Variants in RTL10 observed in about 807,000 individuals in gnomAD.
RTL10 encodes retrotransposon Gag like 10, also known as protein Bop.
For missense variants in RTL10, 477 were observed against 470.7 expected (o/e 1.01, Z -0.12); for synonymous variants, 199 against 188.4 (o/e 1.06, Z -0.46).
rs73379999 is a variant in RTL10, at chr22:19,848,026, G to A, written c.*3141C>T. ...CTAAATTTCCATATTTATTTGGCCC[G>A]TTTCAAAGTCCTCTATTCTCTGCTC... is the stretch of plus-strand genomic sequence containing the variant. On this transcript the variant is annotated 3_prime_UTR_variant, in exon 3 of 3. Transcript: ENST00000328554. The A allele has an allele frequency of 3.5e-3, 3,455 of 985,148 alleles. 90 individuals are homozygous for A. In the African/African-American group the frequency reaches 0.056, roughly 16 times the overall value. 61.0% of individuals were successfully genotyped at this position (985,148 alleles called of 1,614,324 possible). A position where few individuals can be genotyped will look rare whatever the true frequency, so the allele number is the denominator to read the frequency against.
At position 19,851,527 on chromosome 22, in the gene RTL10, C is replaced by T. The variant is rs781133599; in HGVS notation, c.735G>A (p.Gly245=). 3 of 1,614,048 alleles carry T rather than the reference C, an allele frequency of 1.9e-6. No individual in the cohort carries two copies. Among genetic ancestry groups the T allele is most frequent in the Non-Finnish European group, 2.5e-6 (3 of 1,179,978 alleles). ...GAGCACTTCTAGATACAGAGTTGGA[C>T]CCAGACACAGCAGGGGTGGCCATGG... ...PAAMATPAVS[G]SNSVSRSALF... Residue 245 remains glycine (G), a synonymous_variant, in exon 3 of 3, where the codon GGG becomes GGA. Transcript: ENST00000328554.
chr22:19,848,830 T>A lies in RTL10; in HGVS notation c.*2337A>T. ...AAGGCAGCAATCCCAGGCTGGAGTA[T>A]CCACTTCAGGTCCACTAAAGGGAGA... On this transcript the variant is annotated 3_prime_UTR_variant, in exon 3 of 3. Coordinates refer to ENST00000328554, the MANE Select transcript of RTL10 (RefSeq NM_024627.6). The A allele has an allele frequency of 2.0e-6, 2 of 985,080 alleles. No individual in the cohort carries two copies. Among genetic ancestry groups the A allele is most frequent in the Non-Finnish European group, 2.4e-6 (2 of 829,692 alleles). 61.0% of individuals were successfully genotyped at this position (985,080 alleles called of 1,614,324 possible).
Position 19,846,437 on chromosome 22 carries a change from A to C in RTL10, c.*4730T>G. ...CAACAGCCAAGGCTTGGCCATCCCC[A>C]CTCCTCAGTATGGGCCCCAGAACCC... On this transcript the variant is annotated 3_prime_UTR_variant, in exon 3 of 3. Coordinates refer to ENST00000328554, the MANE Select transcript of RTL10 (RefSeq NM_024627.6). 1.0e-6 allele frequency: 1 copy of C among 984,994 alleles called. No homozygotes were observed. Among genetic ancestry groups the C allele is most frequent in the South Asian group, 4.7e-5 (1 of 21,254 alleles). The allele number at this position is 984,994 out of a possible 1,614,324, so 61.0% of individuals were successfully genotyped here. A position where few individuals can be genotyped will look rare whatever the true frequency, so the allele number is the denominator to read the frequency against.
At position 19,846,519 on chromosome 22, in the gene RTL10, T is replaced by C. The variant is rs1431417802; in HGVS notation, c.*4648A>G. Reference sequence around the variant, plus strand: ...GGAGACCACAGAAGCCTGCCCAATATAGCGCTGCCAGGAACAGCAAAGACA... The same window carrying C: ...GGAGACCACAGAAGCCTGCCCAATACAGCGCTGCCAGGAACAGCAAAGACA... On this transcript the variant is annotated 3_prime_UTR_variant, in exon 3 of 3. Coordinates refer to ENST00000328554, the MANE Select transcript of RTL10 (RefSeq NM_024627.6). 6 of 985,308 alleles carry C rather than the reference T, an allele frequency of 6.1e-6. No individual in the cohort carries two copies. Among genetic ancestry groups the C allele is most frequent in the South Asian group, 4.7e-5 (1 of 21,292 alleles). The allele number at this position is 985,308 out of a possible 1,614,324, so 61.0% of individuals were successfully genotyped here.
rs1488671449 is a variant in RTL10 at position 19,849,269 on chromosome 22, TCA to T, written c.*1896_*1897del. 1.0e-6 allele frequency: 1 copy of T among 983,854 alleles called. No individual in the cohort carries two copies. Among genetic ancestry groups the T allele is most frequent in the African/African-American group, 1.7e-5 (1 of 57,180 alleles). The allele number at this position is 983,854 out of a possible 1,614,324, so 60.9% of individuals were successfully genotyped here. ...CAAGGTATCTGTGCCCTGAAATAAC[TCA>T]CACATAAAACCATCTGAACCCAGAG... On this transcript the variant is annotated 3_prime_UTR_variant, in exon 3 of 3. Coordinates refer to ENST00000328554, the MANE Select transcript of RTL10 (RefSeq NM_024627.6).
chr22:19,849,037 G>A lies in RTL10; in HGVS notation c.*2130C>T. 1.0e-6 allele frequency: 1 copy of A among 985,466 alleles called. No homozygotes were observed. 61.0% of individuals were successfully genotyped at this position (985,466 alleles called of 1,614,324 possible). A position where few individuals can be genotyped will look rare whatever the true frequency, so the allele number is the denominator to read the frequency against. On this transcript the variant is annotated 3_prime_UTR_variant, in exon 3 of 3. Transcript: ENST00000328554. ...ACCCAACCCACAAAAGGGGGGATGG[G>A]GCCTGAGTCATCGGACGGAGGGCAG... is the stretch of plus-strand genomic sequence containing the variant.
Position 19,851,307 on chromosome 22 carries a change from G to A in RTL10, c.955C>T (p.Pro319Ser). Residue 319 changes from proline to serine, a missense_variant, in exon 3 of 3, where the codon CCA becomes TCA. Coordinates refer to ENST00000328554, the MANE Select transcript of RTL10 (RefSeq NM_024627.6). ...PPAQRPDPAH[P>S]GGPKPQKTEE... ...GTTTTCTGGGGTTTTGGACCTCCTG[G>A]ATGAGCTGGGTCTGGTCTCTGGGCA... is the stretch of plus-strand genomic sequence containing the variant. 1 of 1,614,026 alleles carries A rather than the reference G, an allele frequency of 6.2e-7. No homozygotes were observed. Among genetic ancestry groups the A allele is most frequent in the Non-Finnish European group, 8.5e-7 (1 of 1,179,952 alleles).
chr22:19,847,893 T>C lies in RTL10; in HGVS notation c.*3274A>G, dbSNP rs924997489. On this transcript the variant is annotated 3_prime_UTR_variant, in exon 3 of 3. Coordinates refer to ENST00000328554, the MANE Select transcript of RTL10 (RefSeq NM_024627.6). ...GAAATCTTTAATCTGGAATATGTACTGGCATAAAGAGTGAGGCACATACAT... is the reference window on the plus strand; with the variant it reads ...GAAATCTTTAATCTGGAATATGTACCGGCATAAAGAGTGAGGCACATACAT... 4.1e-6 allele frequency: 4 copies of C among 979,946 alleles called. No homozygotes were observed. Among genetic ancestry groups the C allele is most frequent in the African/African-American group, 3.5e-5 (2 of 56,936 alleles). The allele number at this position is 979,946 out of a possible 1,614,324, so 60.7% of individuals were successfully genotyped here. A position where few individuals can be genotyped will look rare whatever the true frequency, so the allele number is the denominator to read the frequency against.
chr22:19,846,874 C>A lies in RTL10; in HGVS notation c.*4293G>T, dbSNP rs1937974131. On this transcript the variant is annotated 3_prime_UTR_variant, in exon 3 of 3. Coordinates refer to ENST00000328554, the MANE Select transcript of RTL10 (RefSeq NM_024627.6). ...ATGAGGAAATGTCTGTTGTTTAAGTCCCCTAGCCTGCGGTCCTTTGTCAGG... is the reference window on the plus strand; with the variant it reads ...ATGAGGAAATGTCTGTTGTTTAAGTACCCTAGCCTGCGGTCCTTTGTCAGG... The A allele has an allele frequency of 1.1e-6, 1 of 945,356 alleles. No individual in the cohort carries two copies. The highest frequency in any genetic ancestry group is 1.3e-6 in the Non-Finnish European group (1 of 793,294). 58.6% of individuals were successfully genotyped at this position (945,356 alleles called of 1,614,324 possible). A position where few individuals can be genotyped will look rare whatever the true frequency, so the allele number is the denominator to read the frequency against.
Position 19,851,942 on chromosome 22 carries a change from A to G in RTL10, c.320T>C (p.Phe107Ser), listed in dbSNP as rs962297037. The part of the protein sequence containing the change: ...CWVPGSDPGT[F>S]DGSPWLLDRF... The stretch of plus-strand genomic sequence containing the variant: ...GTCCAGTAGCCACGGGGAGCCATCA[A>G]AGGTGCCTGGGTCTGAGCCTGGTAC... The change falls in exon 3 of 3, where the codon TTT becomes TCT. Residue 107 changes from phenylalanine to serine, a missense_variant. Phe to Ser is a radical substitution (Grantham distance 155). Transcript: ENST00000328554. The G allele has an allele frequency of 6.2e-7, 1 of 1,614,130 alleles. No homozygotes were observed. Among genetic ancestry groups the G allele is most frequent in the Non-Finnish European group, 8.5e-7 (1 of 1,179,976 alleles).
Position 19,846,289 on chromosome 22 carries a change from A to G in RTL10, c.*4878T>C, listed in dbSNP as rs1291833656. 5 of 376,792 alleles carry G rather than the reference A, an allele frequency of 1.3e-5. No homozygotes were observed. The highest frequency in any genetic ancestry group is 1.8e-5 in the Non-Finnish European group (5 of 272,832). 23.3% of individuals were successfully genotyped at this position (376,792 alleles called of 1,614,324 possible). ...ACACTTACAGGTGGACTCAAGGTTG[A>G]ATGTCAAAGGCAGAAAGTTACAACC... On this transcript the variant is annotated 3_prime_UTR_variant, in exon 3 of 3. Transcript: ENST00000328554.
Position 19,852,130 on chromosome 22 carries a change from A to G in RTL10, c.132T>C (p.Asp44=). The G allele has an allele frequency of 6.2e-7, 1 of 1,614,170 alleles. No homozygotes were observed. ...CACAGCAGGGCCGCTCAATCCAGGG[A>G]TCCACAAGGGGGGTGTATGCCACCC... ...SPGVAYTPLV[D]PWIERPCCGD... is the part of the protein sequence containing the mutation. The change falls in exon 3 of 3, where the codon GAT becomes GAC. Residue 44 remains aspartate, a synonymous_variant. Transcript: ENST00000328554.
chr22:19,850,579 C>T lies in RTL10; in HGVS notation c.*588G>A. 1 of 1,161,976 alleles carries T rather than the reference C, an allele frequency of 8.6e-7. No individual in the cohort carries two copies. The highest frequency in any genetic ancestry group is 1.1e-6 in the Non-Finnish European group (1 of 943,840). The allele number at this position is 1,161,976 out of a possible 1,614,324, so 72.0% of individuals were successfully genotyped here. A position where few individuals can be genotyped will look rare whatever the true frequency, so the allele number is the denominator to read the frequency against. Reference sequence around the variant, plus strand: ...CAGCTGCCCAGAACTGCTGGTAATCCCACAGGAAACATCATTCTTTGCCAA... The same window carrying T: ...CAGCTGCCCAGAACTGCTGGTAATCTCACAGGAAACATCATTCTTTGCCAA... On this transcript the variant is annotated 3_prime_UTR_variant, in exon 3 of 3. Coordinates refer to ENST00000328554, the MANE Select transcript of RTL10 (RefSeq NM_024627.6).
In RTL10 at chr22:19,847,873, C is replaced by A. The variant is rs977843273; in HGVS notation, c.*3294G>T. The A allele has an allele frequency of 2.1e-6, 2 of 957,470 alleles. No homozygotes were observed. The highest frequency in any genetic ancestry group is 2.5e-6 in the Non-Finnish European group (2 of 809,124). 59.3% of individuals were successfully genotyped at this position (957,470 alleles called of 1,614,324 possible). On this transcript the variant is annotated 3_prime_UTR_variant, in exon 3 of 3. Transcript: ENST00000328554. ...ACTTTCATAATTGTAACATTGAAAT[C>A]TTTAATCTGGAATATGTACTGGCAT... is the stretch of plus-strand genomic sequence containing the variant.
rs1938047788 is a variant in RTL10 at position 19,849,594 on chromosome 22, T to G, written c.*1573A>C. On this transcript the variant is annotated 3_prime_UTR_variant, in exon 3 of 3. Transcript: ENST00000328554. ...GCTGGTCAGGCTGGTCTTGAACTCC[T>G]GACCTCAGGTGATCCACCCACCTTG... is the stretch of plus-strand genomic sequence containing the variant. 4.4e-6 allele frequency: 3 copies of G among 686,498 alleles called. No homozygotes were observed. In the South Asian group the frequency reaches 2.0e-4, roughly 45 times the overall value. The allele number at this position is 686,498 out of a possible 1,614,324, so 42.5% of individuals were successfully genotyped here.
In RTL10 at chr22:19,851,438, C is replaced by G. The variant is rs763673672; in HGVS notation, c.824G>C (p.Ser275Thr). The G allele has an allele frequency of 6.2e-6, 10 of 1,614,054 alleles. No individual in the cohort carries two copies. In the East Asian group the frequency reaches 2.2e-4, roughly 36 times the overall value. ...PGPKEPPVLP[S>T]STCSSKPGPV... ...ACCAGGCTTGGAGCTACATGTAGAA[C>G]TGGGCAGGACTGGGGGCTCCTTGGG... The change falls in exon 3 of 3, where the codon AGT (serine) becomes ACT (threonine). Residue 275 changes from serine to threonine, a missense_variant. Coordinates refer to ENST00000328554, the MANE Select transcript of RTL10 (RefSeq NM_024627.6).
rs1052978 is a variant in RTL10 at position 19,846,503 on chromosome 22, A to G, written c.*4664T>C. 251,273 of 984,966 alleles carry G rather than the reference A, an allele frequency of 0.26. 35,899 individuals carry two copies. Among genetic ancestry groups the G allele is most frequent in the African/African-American group, 0.59 (33,973 of 57,312 alleles). 61.0% of individuals were successfully genotyped at this position (984,966 alleles called of 1,614,324 possible). ...CTGCACACAGGCATGTGGAGACCAC[A>G]GAAGCCTGCCCAATATAGCGCTGCC... On this transcript the variant is annotated 3_prime_UTR_variant, in exon 3 of 3. Transcript: ENST00000328554.
chr22:19,852,506 G>C lies in RTL10; in HGVS notation c.-225-20C>G. On this transcript the variant is annotated intron_variant, in intron 2 of 2. Transcript: ENST00000328554. ...GGCAATCTGTCCAAAGACAAGGTGG[G>C]GAAGAGCAGGAACTAGGCCTAACCA... 1.9e-6 allele frequency: 1 copy of C among 528,410 alleles called. No individual in the cohort carries two copies. The allele number at this position is 528,410 out of a possible 1,614,324, so 32.7% of individuals were successfully genotyped here.
Position 19,851,535 on chromosome 22 carries a change from C to G in RTL10, c.727G>C (p.Val243Leu), listed in dbSNP as rs1938098588. 6.2e-7 allele frequency: 1 copy of G among 1,613,818 alleles called. No individual in the cohort carries two copies. Among genetic ancestry groups the G allele is most frequent in the East Asian group, 2.2e-5 (1 of 44,868 alleles). Residue 243 changes from valine (V) to leucine (L), a missense_variant, in exon 3 of 3, where the codon GTG becomes CTG. Coordinates refer to ENST00000328554, the MANE Select transcript of RTL10 (RefSeq NM_024627.6). ...CTAGATACAGAGTTGGACCCAGACA[C>G]AGCAGGGGTGGCCATGGCGGCTGGT... Reference protein sequence around the residue: ...SLPAAMATPAVSGSNSVSRSA... With the variant: ...SLPAAMATPALSGSNSVSRSA...
Sources: gnomAD v4.1 joint callset for allele counts on GRCh38, gnomAD v4.1.1 for gene constraint, MANE v1.5 for transcripts, NCBI Gene and HGNC (gene_info 2026-07-23, HGNC 2026-07-21) for gene names.